Variants in USP48 observed in about 807,000 individuals in gnomAD.
The protein encoded by USP48 is ubiquitin carboxyl-terminal hydrolase 48.
Under a neutral mutation model 150.7 loss-of-function variants are expected in USP48, and 43 were observed. The observed-to-expected ratio is 0.29, with a 90% CI of 0.22 to 0.37. The LOEUF is 0.37. Among genes scored for constraint, USP48 ranks in the 10% least tolerant of loss-of-function variants. The pLI is 1.00. For missense variants in USP48, 813 were observed against 1,249.6 expected (o/e 0.65, Z 5.27); for synonymous variants, 396 against 425.9 (o/e 0.93, Z 0.86).
chr1:21,729,699 T>C lies in USP48; in HGVS notation c.1300+5A>G. The C allele has an allele frequency of 6.2e-7, 1 of 1,613,050 alleles. No homozygotes were observed. Among genetic ancestry groups the C allele is most frequent in the Non-Finnish European group, 8.5e-7 (1 of 1,179,264 alleles). ...GCCTGCTATAATCCTGGAAAACTGC[T>C]TTACCTGGAACTTGAACAGTAGTGT... On this transcript the variant is annotated splice_donor_5th_base_variant and intron_variant, in intron 10 of 26. Transcript: ENST00000308271.
At position 21,678,300 on chromosome 1, in the gene USP48, T is replaced by C. The variant is rs558873622; in HGVS notation, c.*1117A>G. 1.3e-3 allele frequency: 194 copies of C among 151,046 alleles called. 1 individual carries two copies. Among genetic ancestry groups the C allele is most frequent in the African/African-American group, 4.5e-3 (184 of 41,092 alleles). The allele number at this position is 151,046 out of a possible 1,614,324, so 9.4% of individuals were successfully genotyped here. On this transcript the variant is annotated 3_prime_UTR_variant, in exon 27 of 27. Coordinates refer to ENST00000308271, the MANE Select transcript of USP48 (RefSeq NM_032236.8). The stretch of plus-strand genomic sequence containing the variant: ...AACAGAGAAAACTTTTTTTTTTTTT[T>C]CAAAGGAAAAACTCCAGTCTTAAGT...
At chr1:21,720,862 C>T (rs1420246552) in intron 14 of USP48, among the ~76,000 whole-genome samples, 174 bp downstream of exon 14, 5 of 152,138 alleles carry the variant, frequency 3.3e-5, no homozygotes, top group African/African-American at 1.2e-4. Context: ...CAGGGTCTCA[C>T]TCTGTTACCC....
chr1:21,694,572 CAAAAAAAAAAAAAA>C (rs1204062748), intron 23 of USP48, among the ~76,000 whole-genome samples: 3 of 12,016 alleles, frequency 2.5e-4, no homozygotes, highest in African/African-American at 1.4e-3. Context: ...TCTGTCTCAC[CAAAAAAAAAAAAAA>C]AAAAAAAAAA....
intron 11 of USP48, among the ~76,000 whole-genome samples, chr1:21,727,029 C>G (rs1405556749): frequency 6.6e-6 from 1 of 151,242 alleles, no homozygotes; most frequent in Non-Finnish European, 1.5e-5. Flanking sequence ...AGAACAATCA[C>G]AGCATCAAAA....
chr1:21,738,070 A>G (rs571966859), intron 8 of USP48, among the ~76,000 whole-genome samples: 1 of 151,666 alleles, frequency 6.6e-6, no homozygotes, highest in East Asian at 1.9e-4. Flanking sequence ...TTATTTATTT[A>G]TTTTGAGATG....
intron 22 of USP48, among the ~76,000 whole-genome samples, chr1:21,695,662 T>C (rs971217255): frequency 6.6e-6 from 1 of 152,140 alleles, no homozygotes; most frequent in Admixed American, 6.5e-5. Flanking sequence ...TGAGCTACAA[T>C]CGCACCACTG....
intron 6 of USP48, among the ~76,000 whole-genome samples, chr1:21,748,566 G>A (rs890830018): frequency 6.6e-6 from 1 of 152,216 alleles, no homozygotes; most frequent in African/African-American, 2.4e-5. Flanking sequence ...GAATTCTAAA[G>A]TAAGTTTTAA....
chr1:21,750,855 C>G (rs1382932127), intron 6 of USP48, among the ~76,000 whole-genome samples: 1 of 150,394 alleles, frequency 6.6e-6, no homozygotes, highest in Non-Finnish European at 1.5e-5. Context: ...GCATTCCAGC[C>G]TGGGCAACAA....
intron 6 of USP48, 102 bp downstream of exon 6, chr1:21,751,405 A>G: frequency 1.2e-6 from 1 of 847,744 alleles, no homozygotes; most frequent in Non-Finnish European, 1.9e-6. Context: ...GAAAAAGCTG[A>G]CACAATAAAA....
In USP48 at chr1:21,679,295, C is replaced by A; in HGVS notation, c.*122G>T. The A allele has an allele frequency of 8.3e-7, 1 of 1,207,568 alleles. No individual in the cohort carries two copies. Among genetic ancestry groups the A allele is most frequent in the South Asian group, 1.2e-5 (1 of 82,408 alleles). 74.8% of individuals were successfully genotyped at this position (1,207,568 alleles called of 1,614,324 possible). On this transcript the variant is annotated 3_prime_UTR_variant, in exon 27 of 27. Transcript: ENST00000308271. ...GGGACAGTCACGTTTGAATGGATTT[C>A]TGCCTTTTGGAAGGGGCATGTAATG...
At chr1:21,729,000 G>A (rs906268638) in intron 10 of USP48, among the ~76,000 whole-genome samples, 10 of 152,064 alleles carry the variant, frequency 6.6e-5, no homozygotes, top group South Asian at 2.1e-4. Flanking sequence ...AATAGATGAC[G>A]CCAGGCGGGC....
chr1:21,706,965 AC>A, intron 15 of USP48, 97 bp from the exon 16 acceptor site: 1 of 1,349,168 alleles, frequency 7.4e-7, no homozygotes, highest in South Asian at 1.5e-5. Flanking sequence ...ATCCACAGGT[AC>A]GCTTTTCTTG....
chr1:21,682,818 T>C (rs1272629078), intron 25 of USP48, among the ~76,000 whole-genome samples: 2 of 150,176 alleles, frequency 1.3e-5, no homozygotes, highest in South Asian at 2.1e-4. Flanking sequence ...GAGATTGTAG[T>C]GAGCCAAGAT....
At chr1:21,720,042 A>G (rs1375376511) in intron 14 of USP48, among the ~76,000 whole-genome samples, 1 of 152,256 alleles carries the variant, frequency 6.6e-6, no homozygotes, top group African/African-American at 2.4e-5. Context: ...CTGATTATAG[A>G]ATTAAATTTA....
chr1:21,721,581 G>A (rs563175336), intron 13 of USP48, 69 bp downstream of exon 13: 58 of 950,480 alleles, frequency 6.1e-5, no homozygotes, highest in African/African-American at 5.6e-4. Flanking sequence ...AATAAATAAC[G>A]AGATGCTTGG....
At chr1:21,729,647 C>CT (rs568282999) in intron 10 of USP48, 57 bp downstream of exon 10, 35 of 1,577,446 alleles carry the variant, frequency 2.2e-5, no homozygotes, top group Non-Finnish European at 2.8e-5. Context: ...TATCATTAAT[C>CT]TTTGAGTATG....
At chr1:21,715,558 T>C (rs1054195779) in intron 14 of USP48, 101 bp from the exon 15 acceptor site, 20 of 638,770 alleles carry the variant, frequency 3.1e-5, no homozygotes, top group Non-Finnish European at 4.4e-5. Flanking sequence ...CAAAGAAAAC[T>C]TTAAAACTCT....
intron 14 of USP48, among the ~76,000 whole-genome samples, chr1:21,716,994 C>A (rs1486272016): frequency 6.6e-6 from 1 of 151,852 alleles, no homozygotes; most frequent in African/African-American, 2.4e-5. Context: ...CGCCACTGCA[C>A]GACAGAGCGA....
chr1:21,735,436 C>CA (rs541184761), intron 9 of USP48, among the ~76,000 whole-genome samples: 5 of 152,044 alleles, frequency 3.3e-5, no homozygotes, highest in Non-Finnish European at 7.4e-5. Context: ...CCCGTCTCCA[C>CA]AAAAAAATTG....
Sources: gnomAD v4.1 joint callset for allele counts (sites outside exome capture counted in the v4.1 genomes callset) on GRCh38, gnomAD v4.1.1 for gene constraint, MANE v1.5 for transcripts, NCBI Gene and HGNC (gene_info 2026-07-23, HGNC 2026-07-21) for gene names.